PCCA: variants seen among roughly 807,000 people sequenced by gnomAD.
The protein encoded by PCCA is propionyl-CoA carboxylase subunit alpha, also known as propionyl-CoA carboxylase alpha chain, mitochondrial.
PCCA carries 74 observed loss-of-function variants against 101.3 expected under a neutral mutation model. That is an observed-to-expected ratio of 0.73 (90% confidence interval 0.61 to 0.89). The LOEUF is 0.89. PCCA is among the 40% of genes least tolerant of loss of function. The pLI is 0.00. For missense variants in PCCA, 891 were observed against 907.0 expected, an observed-to-expected ratio of 0.98 and a Z score of 0.23; for synonymous variants, 294 against 313.6, an observed-to-expected ratio of 0.94 and a Z score of 0.66.
intron 21 of PCCA, among the ~76,000 whole-genome samples, chr13:100,474,471 T>C (rs1339638870): frequency 1.8e-5 from 1 of 55,706 alleles, no homozygotes; most frequent in Non-Finnish European, 4.8e-5. Flanking sequence ...TCTCTCTCTG[T>C]CTCTGTCTCT....
chr13:100,272,299 T>C (rs114916792), intron 11 of PCCA, among the ~76,000 whole-genome samples: 1,597 of 152,334 alleles, frequency 0.01, 34 homozygotes, highest in African/African-American at 0.036. Flanking sequence ...AATACAGGGT[T>C]AGGTTCCTGC....
At chr13:100,326,621 ACCT>A (rs1256069975) in intron 16 of PCCA, among the ~76,000 whole-genome samples, 1 of 151,052 alleles carries the variant, frequency 6.6e-6, no homozygotes, top group African/African-American at 2.4e-5. Flanking sequence ...CTCCCCTTCC[ACCT>A]CCTCCACCTC....
chr13:100,139,042 T>G (rs147160954), intron 4 of PCCA, among the ~76,000 whole-genome samples: 1 of 152,270 alleles, frequency 6.6e-6, no homozygotes, highest in Non-Finnish European at 1.5e-5. Context: ...CAGTTCTTTC[T>G]TTCCAGCACT....
At position 100,134,240 on chromosome 13, in the gene PCCA, T is replaced by C. The variant is rs115395366; in HGVS notation, c.301-20739T>C. Among the ~76,000 whole-genome samples the C allele has an allele frequency of 4.5e-3, 678 of 152,310 alleles. 6 individuals are homozygous for C. The highest frequency in any genetic ancestry group is 0.016 in the African/African-American group (650 of 41,562). The stretch of plus-strand genomic sequence containing the variant: ...AAATGGGGTGATATTTGGATGGGTT[T>C]CTTGACTCTGTTCTTTTTCATTCAT... On this transcript the variant is annotated intron_variant, in intron 4 of 23. Transcript: ENST00000376285.
intron 18 of PCCA, among the ~76,000 whole-genome samples, chr13:100,363,721 A>G (rs2074881731): frequency 6.6e-6 from 1 of 151,838 alleles, no homozygotes; most frequent in Non-Finnish European, 1.5e-5. Flanking sequence ...TAAAGAGGTG[A>G]TGGCACAACA....
chr13:100,130,954 T>C (rs936825720), intron 4 of PCCA, among the ~76,000 whole-genome samples: 1 of 152,212 alleles, frequency 6.6e-6, no homozygotes, highest in African/African-American at 2.4e-5. Context: ...AAAAAAGTAA[T>C]TTATTTTCAA....
intron 4 of PCCA, among the ~76,000 whole-genome samples, chr13:100,142,353 C>CAG (rs1250450211): frequency 6.6e-6 from 1 of 152,144 alleles, no homozygotes; most frequent in African/African-American, 2.4e-5. Context: ...TTTTCCTTGC[C>CAG]TATTGCTGCT....
At chr13:100,223,286 C>T (rs956186270) in intron 7 of PCCA, among the ~76,000 whole-genome samples, 4 of 152,098 alleles carry the variant, frequency 2.6e-5, no homozygotes, top group African/African-American at 9.7e-5. Flanking sequence ...CGCGGACCCT[C>T]GCGGTGAGTG....
At chr13:100,492,617 T>G (rs2084987850) in intron 21 of PCCA, among the ~76,000 whole-genome samples, 1 of 151,560 alleles carries the variant, frequency 6.6e-6, no homozygotes, top group South Asian at 2.1e-4. Flanking sequence ...CCCTCAAGCC[T>G]GGAAATCCGG....
intron 12 of PCCA, among the ~76,000 whole-genome samples, chr13:100,288,012 T>G (rs1051528536): frequency 1.3e-5 from 2 of 152,218 alleles, no homozygotes; most frequent in East Asian, 1.9e-4. Flanking sequence ...GTATCAAAAT[T>G]TAAGATTATC....
At chr13:100,517,859 G>A (rs958344102) in intron 22 of PCCA, among the ~76,000 whole-genome samples, 5 of 152,128 alleles carry the variant, frequency 3.3e-5, no homozygotes, top group African/African-American at 1.2e-4. Context: ...GGCTCTTAGC[G>A]CAACTTCTAT....
chr13:100,528,806 A>G (rs952470527), intron 23 of PCCA, among the ~76,000 whole-genome samples: 7 of 152,228 alleles, frequency 4.6e-5, no homozygotes, highest in Non-Finnish European at 8.8e-5. Flanking sequence ...GTTTCTGTTC[A>G]TGTAAAAATT....
chr13:100,204,946 G>T (rs2058762316), intron 6 of PCCA, among the ~76,000 whole-genome samples: 1 of 151,956 alleles, frequency 6.6e-6, no homozygotes, highest in South Asian at 2.1e-4. Flanking sequence ...GGCACACTTG[G>T]CTCATAATTT....
chr13:100,423,831 T>A (rs10454528), intron 19 of PCCA, among the ~76,000 whole-genome samples: 64 of 152,338 alleles, frequency 4.2e-4, no homozygotes, highest in African/African-American at 1.5e-3. Flanking sequence ...TTGGGAATGA[T>A]GCTTAGATCT....
chr13:100,407,944 A>T (rs2077787634), intron 19 of PCCA, among the ~76,000 whole-genome samples: 2 of 152,142 alleles, frequency 1.3e-5, no homozygotes, highest in African/African-American at 4.8e-5. Flanking sequence ...TGAGGTCAGG[A>T]GGTCAAGACC....
intron 6 of PCCA, among the ~76,000 whole-genome samples, chr13:100,160,156 T>C (rs545078799): frequency 6.6e-6 from 1 of 152,152 alleles, no homozygotes; most frequent in Non-Finnish European, 1.5e-5. Context: ...TTATGCTGAG[T>C]TTACGCGAAG....
At chr13:100,503,380 C>G (rs2085826385) in intron 21 of PCCA, among the ~76,000 whole-genome samples, 1 of 152,054 alleles carries the variant, frequency 6.6e-6, no homozygotes, top group Non-Finnish European at 1.5e-5. Flanking sequence ...ATCCCAGCTA[C>G]TCGGGAGGCT....
chr13:100,302,873 T>C (rs2152685988), intron 13 of PCCA, 51 bp from the exon 14 acceptor site: 3 of 994,096 alleles, frequency 3.0e-6, no homozygotes, highest in Middle Eastern at 2.1e-4. Flanking sequence ...TAACCTTACT[T>C]GTGCTGATTT....
intron 19 of PCCA, among the ~76,000 whole-genome samples, chr13:100,390,209 G>A (rs2076733098): frequency 6.6e-6 from 1 of 152,172 alleles, no homozygotes; most frequent in Non-Finnish European, 1.5e-5. Context: ...AACAATTGTA[G>A]TCAACATGTA....
Sources: gnomAD v4.1 joint callset for allele counts (sites outside exome capture counted in the v4.1 genomes callset) on GRCh38, gnomAD v4.1.1 for gene constraint, MANE v1.5 for transcripts, NCBI Gene and HGNC (gene_info 2026-07-23, HGNC 2026-07-21) for gene names.